Variants in TOPBP1 observed in about 807,000 individuals in gnomAD.
TOPBP1 encodes DNA topoisomerase II binding protein 1.
In TOPBP1, 28 loss-of-function variants were observed where a neutral mutation model predicts 167.7. The observed-to-expected ratio is 0.17, with a 90% CI of 0.12 to 0.23. TOPBP1 has a LOEUF of 0.23. Ranked by LOEUF, TOPBP1 falls within the 10% of genes least tolerant of loss-of-function variation. The pLI, the probability that TOPBP1 is intolerant of heterozygous loss-of-function variation, is 1.00. For synonymous variants in TOPBP1, 598 were observed against 611.4 expected (o/e 0.98, Z 0.32); for missense variants, 1,554 against 1,809.6 (o/e 0.86, Z 2.56).
intron 14 of TOPBP1, among the ~76,000 whole-genome samples, chr3:133,633,367 C>A (rs1007637326): frequency 6.6e-6 from 1 of 152,128 alleles, no homozygotes; most frequent in Non-Finnish European, 1.5e-5. Context: ...CATAGTTAAC[C>A]CCTCCTCCCT....
intron 14 of TOPBP1, among the ~76,000 whole-genome samples, chr3:133,634,687 A>G (rs776299038): frequency 6.6e-6 from 1 of 152,218 alleles, no homozygotes; most frequent in Non-Finnish European, 1.5e-5. Flanking sequence ...CTCAAGAAAA[A>G]AAACTGCAAG....
intron 27 of TOPBP1, 104 bp from the exon 28 acceptor site, chr3:133,601,497 G>C: frequency 1.1e-6 from 1 of 948,450 alleles, no homozygotes; most frequent in Non-Finnish European, 1.5e-6. Context: ...GGATGAATCT[G>C]ACAAACTTAA....
At chr3:133,659,201 T>C in intron 2 of TOPBP1, 51 bp from the exon 3 acceptor site, 1 of 1,470,104 alleles carries the variant, frequency 6.8e-7, no homozygotes, top group Non-Finnish European at 9.0e-7. Flanking sequence ...CTCCTGTATT[T>C]AGGTCCTATT....
chr3:133,611,588 AAAC>A (rs1934677779), intron 24 of TOPBP1, among the ~76,000 whole-genome samples: 1 of 152,222 alleles, frequency 6.6e-6, no homozygotes, highest in Admixed American at 6.5e-5. Flanking sequence ...TTTCAATTAA[AAAC>A]AACACTAACA....
intron 7 of TOPBP1, 142 bp downstream of exon 7, chr3:133,653,203 T>C (rs1936360140): frequency 1.3e-6 from 1 of 762,664 alleles, no homozygotes; most frequent in Admixed American, 3.9e-5. Context: ...TTTATACAAT[T>C]TGACTATTAT....
intron 16 of TOPBP1, chr3:133,628,145 T>TA (rs769464616): frequency 7.7e-6 from 4 of 516,292 alleles, no homozygotes; most frequent in African/African-American, 1.9e-5. Flanking sequence ...TTGTTGTGCA[T>TA]ACCCTAAAAA....
In TOPBP1 at chr3:133,600,885, T is replaced by C. The variant is rs1384546882; in HGVS notation, c.*365A>G. 3 of 167,680 alleles carry C rather than the reference T, an allele frequency of 1.8e-5. No homozygotes were observed. Among genetic ancestry groups the C allele is most frequent in the African/African-American group, 4.8e-5 (2 of 41,564 alleles). 10.4% of individuals were successfully genotyped at this position (167,680 alleles called of 1,614,324 possible). ...TGCTGACTGACAAATCTTGTTGTTA[T>C]GAATTTGTAAGGCAGACATTTTAAA... is the stretch of plus-strand genomic sequence containing the variant. On this transcript the variant is annotated 3_prime_UTR_variant, in exon 28 of 28. Transcript: ENST00000260810.
rs865918530 is a variant in TOPBP1 at position 133,653,525 on chromosome 3, C to A, written c.743-1G>T. 6.5e-7 allele frequency: 1 copy of A among 1,537,530 alleles called. No homozygotes were observed. On this transcript the variant is annotated splice_acceptor_variant, in intron 6 of 27. Transcript: ENST00000260810. LOFTEE classifies it high-confidence loss of function. The stretch of plus-strand genomic sequence containing the variant: ...CTCTTGGCACACTCATACTTCTGAC[C>A]TGTGGCGTTCATTAAGAAAGAAATA...
chr3:133,609,189 A>G (rs1352768428), intron 25 of TOPBP1, among the ~76,000 whole-genome samples: 1 of 152,234 alleles, frequency 6.6e-6, no homozygotes, highest in Non-Finnish European at 1.5e-5. Flanking sequence ...ATTAATGATT[A>G]GGTAACATTA....
intron 2 of TOPBP1, among the ~76,000 whole-genome samples, chr3:133,660,258 C>T (rs1180828443): frequency 6.6e-6 from 1 of 152,134 alleles, no homozygotes; most frequent in Non-Finnish European, 1.5e-5. Context: ...CTTCTCTTCC[C>T]ACCCCAAGAA....
chr3:133,614,785 A>C (rs2107775972), intron 23 of TOPBP1, among the ~76,000 whole-genome samples: 1 of 142,958 alleles, frequency 7.0e-6, no homozygotes, highest in Admixed American at 7.0e-5. Context: ...GTATGAGTAA[A>C]GTTTCTAAGA....
At chr3:133,623,279 GA>G in intron 18 of TOPBP1, 31 bp downstream of exon 18, 6 of 1,613,004 alleles carry the variant, frequency 3.7e-6, no homozygotes, top group Non-Finnish European at 5.1e-6. Context: ...TTTAGCTTAA[GA>G]GGGGGTAAAT....
chr3:133,605,526 C>A (rs1202742857), intron 27 of TOPBP1, among the ~76,000 whole-genome samples: 1 of 151,832 alleles, frequency 6.6e-6, no homozygotes, highest in African/African-American at 2.4e-5. Context: ...AAGAGAAAAA[C>A]CTTATAACAA....
intron 12 of TOPBP1, among the ~76,000 whole-genome samples, chr3:133,642,789 A>G (rs1376966026): frequency 3.3e-5 from 5 of 152,222 alleles, no homozygotes; most frequent in Non-Finnish European, 7.3e-5. Flanking sequence ...CGTATCCACT[A>G]TCATGTTACC....
intron 4 of TOPBP1, among the ~76,000 whole-genome samples, chr3:133,657,457 C>CTG (rs1167074641): frequency 6.6e-6 from 1 of 150,496 alleles, no homozygotes; most frequent in Non-Finnish European, 1.5e-5. Context: ...TGTTGGCTCA[C>CTG]TGCAACCTCC....
chr3:133,649,940 A>G lies in TOPBP1; in HGVS notation c.1093T>C (p.Tyr365His), dbSNP rs564198443. ...PEDLLDGCRIYLCGFSGRKLD... is the reference protein window; with the variant it reads ...PEDLLDGCRIHLCGFSGRKLD... ...TTTCTGCCACTAAAACCGCAAAGAT[A>G]TATCTGCAAGAAAGAAAATATTTAA... The change falls in exon 9 of 28, where the codon TAT (tyrosine) becomes CAT (histidine). Residue 365 changes from tyrosine to histidine, a missense_variant. Tyr to His is a moderately conservative substitution (Grantham distance 83). This residue lies in a region of TOPBP1 where 1,197 missense variants were observed against 1,351.5 expected (regional missense o/e 0.89). Transcript: ENST00000260810. 11 of 1,577,706 alleles carry G rather than the reference A, an allele frequency of 7.0e-6. No individual in the cohort carries two copies. The East Asian group carries it at 1.4e-4, about 19-fold the overall frequency.
rs772823707 is a variant in TOPBP1 at position 133,643,241 on chromosome 3, T to C, written c.1980A>G (p.Glu660=). 6.2e-7 allele frequency: 1 copy of C among 1,606,410 alleles called. No individual in the cohort carries two copies. Among genetic ancestry groups the C allele is most frequent in the Admixed American group, 1.7e-5 (1 of 58,012 alleles). Residue 660 remains glutamate, a synonymous_variant, in exon 12 of 28, where the codon GAA becomes GAG. Coordinates refer to ENST00000260810, the MANE Select transcript of TOPBP1 (RefSeq NM_007027.4). The stretch of plus-strand genomic sequence containing the variant: ...TTGCTAGGAATGTTAAAGACTCTTT[T>C]TCTGCTCCAGCACACTGGCTAAATG... ...VISFSQCAGA[E]KESLTFLANL... is the part of the protein sequence containing the mutation.
chr3:133,652,316 A>G, intron 8 of TOPBP1, 147 bp downstream of exon 8: 4 of 734,042 alleles, frequency 5.4e-6, no homozygotes, highest in South Asian at 3.6e-5. Context: ...AAGGATGGAC[A>G]TGGTCTAGTA....
intron 23 of TOPBP1, among the ~76,000 whole-genome samples, chr3:133,616,252 T>G (rs1291181548): frequency 6.6e-6 from 1 of 151,978 alleles, no homozygotes; most frequent in African/African-American, 2.4e-5. Flanking sequence ...CCTGAGTAAC[T>G]AGGATCACAG....
Sources: gnomAD v4.1 joint callset for allele counts (sites outside exome capture counted in the v4.1 genomes callset) on GRCh38, gnomAD v4.1.1 for gene constraint, gnomAD v4.1.1 regional missense constraint, MANE v1.5 for transcripts, NCBI Gene and HGNC (gene_info 2026-07-23, HGNC 2026-07-21) for gene names.